The following TCF7L2 variants were observed in gnomAD, a reference collection of about 807,000 sequenced individuals.
The protein encoded by TCF7L2 is transcription factor 7-like 2.
A neutral mutation model predicts 77.9 loss-of-function variants in TCF7L2; 23 were observed. That is an observed-to-expected ratio of 0.30 (90% CI 0.21 to 0.42). TCF7L2 has a LOEUF of 0.42. Ranked by LOEUF, TCF7L2 falls within the 10% of genes least tolerant of loss-of-function variation. The pLI, the probability that TCF7L2 is intolerant of heterozygous loss-of-function variation, is 1.00. For missense variants in TCF7L2, 654 were observed against 793.1 expected (o/e 0.82, Z 2.11); for synonymous variants, 413 against 340.2 (o/e 1.21, Z -2.36).
intron 5 of TCF7L2, among the ~76,000 whole-genome samples, chr10:113,071,849 C>G: frequency 6.6e-6 from 1 of 152,150 alleles, no homozygotes; most frequent in East Asian, 1.9e-4. Context: ...AGGACTCCCC[C>G]CCACCCCCCA....
In TCF7L2 at chr10:113,141,238, C is replaced by T; in HGVS notation, c.607C>T (p.Leu203Phe). The T allele has an allele frequency of 6.2e-7, 1 of 1,614,210 alleles. No individual in the cohort carries two copies. The highest frequency in any genetic ancestry group is 8.5e-7 in the Non-Finnish European group (1 of 1,180,042). Reference sequence around the variant, plus strand: ...TCACCATGTCCACCCCCTCACGCCTCTTATCACGTACAGCAATGAACACTT... The same window carrying T: ...TCACCATGTCCACCCCCTCACGCCTTTTATCACGTACAGCAATGAACACTT... Residue 203 changes from leucine to phenylalanine, a missense_variant, in exon 6 of 14, where the codon CTT becomes TTT. Transcript: ENST00000627217.
At chr10:113,004,090 G>A (rs141680551) in intron 4 of TCF7L2, among the ~76,000 whole-genome samples, 1 of 152,186 alleles carries the variant, frequency 6.6e-6, no homozygotes, top group African/African-American at 2.4e-5. Flanking sequence ...CAGTTAGTTT[G>A]GCTTTAATGA....
In TCF7L2 at chr10:112,960,120, G is replaced by A. The variant is rs567616459; in HGVS notation, c.382-4436G>A. Among the ~76,000 whole-genome samples, 5 of 152,288 alleles carry A rather than the reference G, an allele frequency of 3.3e-5. No individual in the cohort carries two copies. In the South Asian group the frequency reaches 1.0e-3, roughly 32 times the overall value. On this transcript the variant is annotated intron_variant, in intron 3 of 13. Coordinates refer to ENST00000627217, the MANE Select transcript of TCF7L2 (RefSeq NM_001146274.2). ...GTGCATCATGTTAGAAGTTAGCTTA[G>A]TGCTGGAAAAACCAACAGAGGATTT...
At chr10:113,053,120 A>G (rs537515141) in intron 5 of TCF7L2, among the ~76,000 whole-genome samples, 9 of 152,280 alleles carry the variant, frequency 5.9e-5, no homozygotes, top group African/African-American at 2.2e-4. Flanking sequence ...TAATTTGAAA[A>G]ATGTAACCCA....
chr10:113,122,546 G>C (rs971828269), intron 5 of TCF7L2, among the ~76,000 whole-genome samples: 1 of 152,156 alleles, frequency 6.6e-6, no homozygotes, highest in African/African-American at 2.4e-5. Context: ...AAGTAACAGA[G>C]AGTATGAAAC....
intron 7 of TCF7L2, among the ~76,000 whole-genome samples, chr10:113,144,398 A>C (rs907348660): frequency 1.3e-5 from 2 of 152,170 alleles, no homozygotes; most frequent in Non-Finnish European, 2.9e-5. Flanking sequence ...TTGGCTGCCC[A>C]AACTGCAGTC....
chr10:113,063,908 G>GTGTC (rs1416048077), intron 5 of TCF7L2, among the ~76,000 whole-genome samples: 1 of 151,470 alleles, frequency 6.6e-6, no homozygotes, highest in Non-Finnish European at 1.5e-5. Context: ...GTGTGTGTGT[G>GTGTC]TGTGTGTGTG....
At chr10:113,143,164 C>T (rs1255333203) in intron 6 of TCF7L2, among the ~76,000 whole-genome samples, 2 of 152,236 alleles carry the variant, frequency 1.3e-5, no homozygotes, top group African/African-American at 2.4e-5. Flanking sequence ...GGCAGATGTG[C>T]GGTGGCACGT....
At chr10:113,013,480 T>A (rs1454528789) in intron 4 of TCF7L2, among the ~76,000 whole-genome samples, 2 of 152,140 alleles carry the variant, frequency 1.3e-5, no homozygotes, top group East Asian at 3.9e-4. Flanking sequence ...CTAGGCAAAA[T>A]GGTAAATTAA....
At chr10:113,082,334 C>G (rs1409258825) in intron 5 of TCF7L2, among the ~76,000 whole-genome samples, 1 of 50,430 alleles carries the variant, frequency 2.0e-5, no homozygotes, top group Non-Finnish European at 3.7e-5. Flanking sequence ...TTATTCCAAA[C>G]TTGAAAAAAA....
chr10:113,145,187 T>A (rs1378035925), intron 7 of TCF7L2, among the ~76,000 whole-genome samples: 2 of 152,106 alleles, frequency 1.3e-5, no homozygotes, highest in African/African-American at 2.4e-5. Flanking sequence ...TGGGTATAGT[T>A]TCTGTTTCTC....
At chr10:113,048,324 T>C (rs2053811520) in intron 5 of TCF7L2, among the ~76,000 whole-genome samples, 1 of 152,202 alleles carries the variant, frequency 6.6e-6, no homozygotes, top group South Asian at 2.1e-4. Context: ...GCTGATTAAC[T>C]CTATGGATGG....
At chr10:113,004,017 T>C (rs2045012655) in intron 4 of TCF7L2, among the ~76,000 whole-genome samples, 1 of 152,148 alleles carries the variant, frequency 6.6e-6, no homozygotes, top group Non-Finnish European at 1.5e-5. Flanking sequence ...AGTTTCCCAT[T>C]GGGGTGTCAC....
chr10:113,145,983 T>G, intron 7 of TCF7L2, 28 bp from the exon 8 acceptor site: 1 of 1,229,922 alleles, frequency 8.1e-7, no homozygotes, highest in Non-Finnish European at 1.2e-6. Context: ...TTGTTTCAAG[T>G]CTCTTACTTT....
intron 3 of TCF7L2, among the ~76,000 whole-genome samples, chr10:112,959,664 A>T (rs1335578487): frequency 6.6e-6 from 1 of 152,150 alleles, no homozygotes; most frequent in East Asian, 1.9e-4. Flanking sequence ...TTTCTCTTGA[A>T]GTCAGAGGCC....
chr10:113,087,288 C>G (rs1387679396), intron 5 of TCF7L2, among the ~76,000 whole-genome samples: 1 of 152,192 alleles, frequency 6.6e-6, no homozygotes, highest in Non-Finnish European at 1.5e-5. Context: ...CTGTGGCAAC[C>G]ATGGATACAT....
chr10:113,118,107 G>C (rs1026153410), intron 5 of TCF7L2, among the ~76,000 whole-genome samples: 2 of 152,122 alleles, frequency 1.3e-5, no homozygotes, highest in Non-Finnish European at 2.9e-5. Flanking sequence ...CCCAGCAGAC[G>C]GGGTCGAGAA....
intron 5 of TCF7L2, chr10:113,126,786 C>T: frequency 1.0e-6 from 1 of 985,276 alleles, no homozygotes. Context: ...TCCAGTGGAG[C>T]CCGCGGCCGG....
chr10:112,952,917 C>G (rs998843285), intron 3 of TCF7L2, among the ~76,000 whole-genome samples: 1 of 151,370 alleles, frequency 6.6e-6, no homozygotes, highest in Admixed American at 6.6e-5. Context: ...AATCCCTGGA[C>G]GCAAGACGCA....
Sources: allele counts gnomAD v4.1 joint callset (sites outside exome capture counted in the v4.1 genomes callset), GRCh38; gene constraint gnomAD v4.1.1; transcripts MANE v1.5; gene names NCBI Gene and HGNC (gene_info 2026-07-23, HGNC 2026-07-21).